WDR27: variants seen among roughly 807,000 people sequenced by gnomAD.
WDR27 encodes WD repeat domain 27, also known as WD repeat-containing protein 27.
Under a neutral mutation model 114.4 loss-of-function variants are expected in WDR27, and 100 were observed. That is an observed-to-expected ratio of 0.87 (90% confidence interval 0.74 to 1.03). WDR27 has a LOEUF of 1.03. Ranked by LOEUF, WDR27 falls within the 50% of genes least tolerant of loss-of-function variation. The probability of loss-of-function intolerance (pLI) is 0.00; values close to 1 mark genes in which losing one functional copy is unlikely to be tolerated. For synonymous variants in WDR27, 449 were observed against 423.1 expected, an observed-to-expected ratio of 1.06 and a Z score of -0.75; for missense variants, 1,129 against 1,092.9, an observed-to-expected ratio of 1.03 and a Z score of -0.47.
At position 169,701,140 on chromosome 6, in the gene WDR27, T is replaced by G. The variant is rs1252989907; in HGVS notation, c.-8+411A>C. On this transcript the variant is annotated intron_variant, in intron 1 of 25. Transcript: ENST00000448612. ...GCAGTGTGTGTAAATTGTAGAAAAT[T>G]TAGAAATACATAAAAAGATGAAAAC... Among the ~76,000 whole-genome samples, 3 of 152,146 alleles carry G rather than the reference T, an allele frequency of 2.0e-5. No homozygotes were observed. In the East Asian group the frequency reaches 5.8e-4, roughly 29 times the overall value.
At position 169,510,008 on chromosome 6, in the gene WDR27, C is replaced by T. The variant is rs546479875; in HGVS notation, c.2646-52374G>A. On this transcript the variant is annotated intron_variant, in intron 25 of 25. Transcript: ENST00000448612. ...TACTTTTCAAAAGAAGACATTTATGCAGCCAAAAAACACATGAAAAAATGC... is the reference window on the plus strand; with the variant it reads ...TACTTTTCAAAAGAAGACATTTATGTAGCCAAAAAACACATGAAAAAATGC... 1.7e-3 allele frequency among the ~76,000 whole-genome samples: 266 copies of T among 152,314 alleles called. 3 individuals carry two copies. Among genetic ancestry groups the T allele is most frequent in the African/African-American group, 5.9e-3 (247 of 41,566 alleles).
Position 169,582,558 on chromosome 6 carries a change from G to A in WDR27, c.2523+278C>T, listed in dbSNP as rs182666840. On this transcript the variant is annotated intron_variant, in intron 24 of 25. Coordinates refer to ENST00000448612, the MANE Select transcript of WDR27 (RefSeq NM_182552.5). Reference sequence around the variant, plus strand: ...TATTTGTCCACAGGTCTTCCCATACGTTCCTGTTTCATTCAATCAAACATG... The same window carrying A: ...TATTTGTCCACAGGTCTTCCCATACATTCCTGTTTCATTCAATCAAACATG... 3.9e-3 allele frequency among the ~76,000 whole-genome samples: 587 copies of A among 152,072 alleles called. 6 individuals are homozygous for A. Among genetic ancestry groups the A allele is most frequent in the African/African-American group, 0.014 (560 of 41,454 alleles).
At chr6:169,613,736 G>C in intron 21 of WDR27, 80 bp from the exon 22 acceptor site, 3 of 1,238,978 alleles carry the variant, frequency 2.4e-6, no homozygotes, top group Non-Finnish European at 3.4e-6. Context: ...TCTCATAATA[G>C]CTGATTCTCA....
rs1802748863 is a variant in WDR27 at position 169,578,124 on chromosome 6, A to C, written c.2523+4712T>G. Among the ~76,000 whole-genome samples, 4 of 152,232 alleles carry C rather than the reference A, an allele frequency of 2.6e-5. 1 individual carries two copies. The Middle Eastern group carries it at 0.014, about 518-fold the overall frequency. On this transcript the variant is annotated intron_variant, in intron 24 of 25. Transcript: ENST00000448612. ...CATCGCTCCGCAGTGCTGACCCTGG[A>C]GCATGCTTAGTGGGGAAACGCAGGT...
chr6:169,635,344 C>T (rs1817428439), intron 19 of WDR27, among the ~76,000 whole-genome samples: 1 of 152,188 alleles, frequency 6.6e-6, no homozygotes. Flanking sequence ...AAGATCTCAT[C>T]ACTGCACTCC....
intron 1 of WDR27, among the ~76,000 whole-genome samples, chr6:169,693,030 G>C (rs1178846248): frequency 1.3e-5 from 2 of 152,092 alleles, no homozygotes; most frequent in Non-Finnish European, 2.9e-5. Context: ...TTATGACCTG[G>C]GTACAGTCAT....
chr6:169,551,525 A>C (rs890109539), intron 25 of WDR27, among the ~76,000 whole-genome samples: 4 of 152,146 alleles, frequency 2.6e-5, no homozygotes, highest in Non-Finnish European at 4.4e-5. Context: ...ACCTGAGGTC[A>C]CGAGTTCGAG....
chr6:169,514,544 GA>G (rs1008531161), intron 25 of WDR27, among the ~76,000 whole-genome samples: 3 of 28,634 alleles, frequency 1.0e-4, no homozygotes, highest in East Asian at 2.6e-4. Context: ...ATATTTGGGG[GA>G]AAAATATATA....
chr6:169,540,295 T>C (rs1389167388), intron 25 of WDR27, among the ~76,000 whole-genome samples: 1 of 152,244 alleles, frequency 6.6e-6, no homozygotes, highest in South Asian at 2.1e-4. Context: ...TAAAATTATA[T>C]TGACTTCTTT....
chr6:169,697,086 G>GT (rs1786298424), intron 1 of WDR27, among the ~76,000 whole-genome samples: 1 of 152,130 alleles, frequency 6.6e-6, no homozygotes, highest in African/African-American at 2.4e-5. Flanking sequence ...AATCAGAACG[G>GT]TTATACCAGA....
At chr6:169,618,329 A>G (rs1812337654) in intron 21 of WDR27, among the ~76,000 whole-genome samples, 1 of 152,204 alleles carries the variant, frequency 6.6e-6, no homozygotes, top group African/African-American at 2.4e-5. Context: ...ATTCAGAGGC[A>G]GGCAAAGAGT....
chr6:169,518,387 T>C (rs779425787), intron 25 of WDR27, among the ~76,000 whole-genome samples: 1 of 152,284 alleles, frequency 6.6e-6, no homozygotes, highest in Non-Finnish European at 1.5e-5. Flanking sequence ...TTCTGAAATC[T>C]AGGCCAAGCC....
chr6:169,559,569 T>C (rs1235632871), intron 25 of WDR27: 1 of 152,188 alleles, frequency 6.6e-6, no homozygotes, highest in African/African-American at 2.4e-5. Context: ...AATAAGAAAC[T>C]TTTTTGAAAT....
chr6:169,601,523 T>G (rs1807975744), intron 23 of WDR27, among the ~76,000 whole-genome samples: 1 of 152,180 alleles, frequency 6.6e-6, no homozygotes, highest in Non-Finnish European at 1.5e-5. Context: ...TAGAATGATG[T>G]TTTTTGTTTC....
intron 23 of WDR27, among the ~76,000 whole-genome samples, chr6:169,586,634 G>A (rs747175836): frequency 3.3e-5 from 5 of 151,910 alleles, no homozygotes; most frequent in Admixed American, 6.6e-5. Flanking sequence ...CAAGGTGGGC[G>A]GATCATGAGA....
chr6:169,620,762 G>A (rs768992741), intron 21 of WDR27, among the ~76,000 whole-genome samples: 10 of 152,136 alleles, frequency 6.6e-5, no homozygotes, highest in South Asian at 2.1e-4. Flanking sequence ...TAAACTGACC[G>A]AGACCTGTCT....
rs139291215 is a variant in WDR27 at position 169,464,838 on chromosome 6, C to T, written c.2646-7204G>A. 3.3e-5 allele frequency among the ~76,000 whole-genome samples: 5 copies of T among 152,374 alleles called. No individual in the cohort carries two copies. The East Asian group carries it at 7.7e-4, about 24-fold the overall frequency. ...CGCAAGAAGCACATGAAAAGATGCT[C>T]GGCCAGGCACGGTGGCCCATGCCTG... On this transcript the variant is annotated intron_variant, in intron 25 of 25. Coordinates refer to ENST00000448612, the MANE Select transcript of WDR27 (RefSeq NM_182552.5).
In WDR27 at chr6:169,633,068, T is replaced by G; in HGVS notation, c.2102A>C (p.His701Pro). ...GTTCCGGCCAGCTGCGAGTACGATG[T>G]CTGCGATAATCCAGTTAGGGAGCTC... ...SLSAVNDFYS[H>P]IVLAAGRNRT... is the part of the protein sequence containing the mutation. Residue 701 changes from histidine (H) to proline (P), a missense_variant and splice_region_variant, in exon 21 of 26, where the codon CAC becomes CCC. His to Pro is a moderately conservative substitution (Grantham distance 77, BLOSUM62 -2). Coordinates refer to ENST00000448612, the MANE Select transcript of WDR27 (RefSeq NM_182552.5). 6.3e-7 allele frequency: 1 copy of G among 1,576,846 alleles called. No homozygotes were observed. The highest frequency in any genetic ancestry group is 1.1e-5 in the South Asian group (1 of 87,476).
intron 25 of WDR27, among the ~76,000 whole-genome samples, chr6:169,531,428 T>C (rs1039627413): frequency 4.6e-5 from 7 of 152,094 alleles, no homozygotes; most frequent in African/African-American, 1.7e-4. Context: ...AACAGAAACA[T>C]TTGGATAAGA....
Sources: gnomAD v4.1 joint callset for allele counts (sites outside exome capture counted in the v4.1 genomes callset) on GRCh38, gnomAD v4.1.1 for gene constraint, MANE v1.5 for transcripts, NCBI Gene and HGNC (gene_info 2026-07-23, HGNC 2026-07-21) for gene names.